CALCRL: variants seen among roughly 807,000 people sequenced by gnomAD.
CALCRL encodes calcitonin gene-related peptide type 1 receptor.
Under a neutral mutation model 60.4 loss-of-function variants are expected in CALCRL, and 27 were observed. The observed-to-expected ratio is 0.45, with a 90% CI of 0.33 to 0.62. The LOEUF (loss-of-function observed/expected upper bound fraction) is 0.62, where lower values mean the gene tolerates loss of function less well. CALCRL is among the 20% of genes least tolerant of loss of function. CALCRL has a pLI of 0.03. For missense variants in CALCRL, 424 were observed against 540.7 expected, an observed-to-expected ratio of 0.78 and a Z score of 2.14; for synonymous variants, 190 against 182.6, an observed-to-expected ratio of 1.04 and a Z score of -0.33.
chr2:187,432,820 A>G (rs1690456712), intron 1 of CALCRL, among the ~76,000 whole-genome samples: 1 of 152,048 alleles, frequency 6.6e-6, no homozygotes, highest in African/African-American at 2.4e-5. Flanking sequence ...AGATTTTCAT[A>G]CTGTATTTTT....
chr2:187,343,303 T>G lies in CALCRL; in HGVS notation c.*2881A>C, dbSNP rs1686157174. 1 of 151,838 alleles carries G rather than the reference T, an allele frequency of 6.6e-6. No homozygotes were observed. The highest frequency in any genetic ancestry group is 2.4e-5 in the African/African-American group (1 of 41,408). The allele number at this position is 151,838 out of a possible 1,614,324, so 9.4% of individuals were successfully genotyped here. On this transcript the variant is annotated 3_prime_UTR_variant, in exon 15 of 15. Transcript: ENST00000392370. ...AATATCAGTGAAAATAAACTTTAACTCATAACTTTAATATTTTCATACAAT... is the reference window on the plus strand; with the variant it reads ...AATATCAGTGAAAATAAACTTTAACGCATAACTTTAATATTTTCATACAAT...
At chr2:187,384,626 G>A (rs1688133249) in intron 4 of CALCRL, among the ~76,000 whole-genome samples, 1 of 152,168 alleles carries the variant, frequency 6.6e-6, no homozygotes, top group African/African-American at 2.4e-5. Context: ...TCCTAGACTT[G>A]AAAATGTTTT....
At chr2:187,378,163 G>T (rs1212643102) in intron 8 of CALCRL, among the ~76,000 whole-genome samples, 1 of 151,872 alleles carries the variant, frequency 6.6e-6, no homozygotes, top group Non-Finnish European at 1.5e-5. Flanking sequence ...AAGAGAAGGA[G>T]CAGCAGTGGC....
intron 1 of CALCRL, among the ~76,000 whole-genome samples, chr2:187,425,562 G>C (rs944473590): frequency 1.3e-5 from 2 of 151,878 alleles, no homozygotes; most frequent in African/African-American, 4.8e-5. Context: ...ATGAAATAAG[G>C]TTAGTTGTTC....
At chr2:187,446,419 T>C (rs1030754077) in intron 1 of CALCRL, among the ~76,000 whole-genome samples, 2 of 151,666 alleles carry the variant, frequency 1.3e-5, no homozygotes, top group African/African-American at 2.4e-5. Flanking sequence ...TTATAAACCA[T>C]ACTGTTAGTA....
intron 1 of CALCRL, among the ~76,000 whole-genome samples, chr2:187,395,943 A>T (rs1297596066): frequency 1.3e-5 from 2 of 151,848 alleles, no homozygotes; most frequent in Non-Finnish European, 2.9e-5. Context: ...GAAAAAAATG[A>T]TTGTTATACA....
intron 14 of CALCRL, among the ~76,000 whole-genome samples, chr2:187,347,028 A>T (rs547726134): frequency 6.6e-6 from 1 of 151,968 alleles, no homozygotes; most frequent in African/African-American, 2.4e-5. Context: ...AAATAAATTT[A>T]GGAATGTAAC....
chr2:187,379,923 A>T (rs1687916932), intron 7 of CALCRL, among the ~76,000 whole-genome samples: 1 of 152,206 alleles, frequency 6.6e-6, no homozygotes, highest in South Asian at 2.1e-4. Flanking sequence ...TCTATTACAA[A>T]CACATGCAAA....
At chr2:187,440,972 A>G (rs567176478) in intron 1 of CALCRL, among the ~76,000 whole-genome samples, 72 of 152,162 alleles carry the variant, frequency 4.7e-4, no homozygotes, top group Middle Eastern at 3.4e-3. Flanking sequence ...ATTTGCTCAT[A>G]TCTCATTTGA....
intron 9 of CALCRL, among the ~76,000 whole-genome samples, chr2:187,361,259 T>A (rs1687045078): frequency 6.6e-6 from 1 of 151,982 alleles, no homozygotes; most frequent in Admixed American, 6.6e-5. Flanking sequence ...CCTATCCAAA[T>A]ATGGAGTCTG....
At chr2:187,356,677 G>T (rs988463154) in intron 12 of CALCRL, among the ~76,000 whole-genome samples, 2 of 152,146 alleles carry the variant, frequency 1.3e-5, no homozygotes, top group Non-Finnish European at 2.9e-5. Flanking sequence ...AAACTAAAGA[G>T]CTTCTGCACA....
intron 1 of CALCRL, chr2:187,442,073 TA>T (rs1690931016): frequency 1.0e-3 from 4 of 3,986 alleles, no homozygotes; most frequent in Non-Finnish European, 2.3e-3. Context: ...AAAAACATTA[TA>T]TATATATATA....
chr2:187,395,079 G>T (rs116285616), intron 1 of CALCRL, among the ~76,000 whole-genome samples: 3,145 of 152,048 alleles, frequency 0.021, 78 homozygotes, highest in Admixed American at 0.066. Flanking sequence ...AATTCTGTTA[G>T]TCATGGCAGT....
At chr2:187,429,881 G>C (rs1163441798) in intron 1 of CALCRL, among the ~76,000 whole-genome samples, 1 of 128,834 alleles carries the variant, frequency 7.8e-6, no homozygotes, top group Non-Finnish European at 1.7e-5. Context: ...GTTATAAGTT[G>C]AAAAACACAC....
chr2:187,409,327 CA>C (rs775389934), intron 1 of CALCRL, among the ~76,000 whole-genome samples: 37 of 152,252 alleles, frequency 2.4e-4, no homozygotes, highest in African/African-American at 7.2e-4. Flanking sequence ...AAACATCTGT[CA>C]GAAGATATTT....
At chr2:187,416,874 A>G (rs1689635434) in intron 1 of CALCRL, among the ~76,000 whole-genome samples, 1 of 152,120 alleles carries the variant, frequency 6.6e-6, no homozygotes, top group Non-Finnish European at 1.5e-5. Context: ...AAAGTATTCT[A>G]TAGCAATTAA....
At chr2:187,420,082 A>T (rs186763193) in intron 1 of CALCRL, among the ~76,000 whole-genome samples, 2 of 152,324 alleles carry the variant, frequency 1.3e-5, no homozygotes, top group Admixed American at 6.5e-5. Context: ...AACAGATGCT[A>T]ACATTTCAAG....
chr2:187,380,432 T>C (rs753538284), intron 7 of CALCRL, 35 bp downstream of exon 7: 14 of 1,239,766 alleles, frequency 1.1e-5, no homozygotes, highest in African/African-American at 5.9e-5. Context: ...AAACAGATAC[T>C]GTAAGTTAAA....
intron 12 of CALCRL, among the ~76,000 whole-genome samples, chr2:187,355,697 A>G (rs1686746910): frequency 6.6e-6 from 1 of 152,152 alleles, no homozygotes; most frequent in African/African-American, 2.4e-5. Flanking sequence ...GAATAGGAGG[A>G]GAGGAAGTCA....
Sources: gnomAD v4.1 joint callset for allele counts (sites outside exome capture counted in the v4.1 genomes callset) on GRCh38, gnomAD v4.1.1 for gene constraint, MANE v1.5 for transcripts, NCBI Gene and HGNC (gene_info 2026-07-23, HGNC 2026-07-21) for gene names.